The following GRIA3 variants were observed in gnomAD, a reference collection of about 807,000 sequenced individuals.
The protein encoded by GRIA3 is glutamate receptor 3.
In GRIA3, 3 loss-of-function variants were observed where a neutral mutation model predicts 63.0. That is an observed-to-expected ratio of 0.05 (90% CI 0.02 to 0.12). The LOEUF (loss-of-function observed/expected upper bound fraction) is 0.12, where lower values mean the gene tolerates loss of function less well. Ranked by LOEUF, GRIA3 falls within the 10% of genes least tolerant of loss-of-function variation. The probability of loss-of-function intolerance (pLI) is 1.00; values close to 1 mark genes in which losing one functional copy is unlikely to be tolerated. For synonymous variants in GRIA3, 274 were observed against 257.9 expected, an observed-to-expected ratio of 1.06 and a Z score of -0.60; for missense variants, 347 against 700.9, an observed-to-expected ratio of 0.50 and a Z score of 5.70.
intron 5 of GRIA3, among the ~76,000 whole-genome samples, chrX:123,359,186 T>C (rs1319014004): frequency 8.9e-6 from 1 of 112,239 alleles, no homozygotes; most frequent in African/African-American, 3.2e-5. Context: ...GTTTTGAATG[T>C]ATATTAAATA....
At chrX:123,297,039 T>G (rs755834710) in intron 3 of GRIA3, among the ~76,000 whole-genome samples, 3 of 111,496 alleles carry the variant, frequency 2.7e-5, no homozygotes, top group African/African-American at 9.7e-5. Context: ...ATACCAATTA[T>G]GGAGAAGACC....
intron 14 of GRIA3, among the ~76,000 whole-genome samples, chrX:123,481,286 C>G (rs2045911497): frequency 8.9e-6 from 1 of 112,087 alleles, no homozygotes; most frequent in South Asian, 3.7e-4. Context: ...AAGAGATAAT[C>G]CAATATTTCA....
intron 10 of GRIA3, among the ~76,000 whole-genome samples, chrX:123,416,362 T>C (rs2045536750): frequency 8.9e-6 from 1 of 111,999 alleles, no homozygotes; most frequent in Non-Finnish European, 1.9e-5. Flanking sequence ...AAAAAAATGA[T>C]CAAAACTTGT....
chrX:123,376,651 G>C (rs1374693820), intron 5 of GRIA3, among the ~76,000 whole-genome samples: 1 of 111,778 alleles, frequency 8.9e-6, no homozygotes, highest in Non-Finnish European at 1.9e-5. Flanking sequence ...AATGTTCTGA[G>C]TTTACTTTTC....
At chrX:123,322,269 AAT>A (rs1398962133) in intron 3 of GRIA3, among the ~76,000 whole-genome samples, 1 of 112,221 alleles carries the variant, frequency 8.9e-6, no homozygotes, top group Non-Finnish European at 1.9e-5. Flanking sequence ...TGCAGATGAC[AAT>A]CTAGCATTCA....
intron 5 of GRIA3, among the ~76,000 whole-genome samples, chrX:123,364,414 G>A (rs1461551081): frequency 8.9e-6 from 1 of 112,116 alleles, no homozygotes; most frequent in African/African-American, 3.2e-5. Flanking sequence ...CTACCTAGTA[G>A]AAGATACAGG....
intron 3 of GRIA3, among the ~76,000 whole-genome samples, chrX:123,280,227 C>T (rs1322158568): frequency 8.9e-6 from 1 of 112,072 alleles, no homozygotes; most frequent in Non-Finnish European, 1.9e-5. Flanking sequence ...CTGAGTTCAT[C>T]TTGAAAAGAC....
chrX:123,391,951 C>A (rs2045388973), intron 5 of GRIA3, among the ~76,000 whole-genome samples: 1 of 111,904 alleles, frequency 8.9e-6, no homozygotes, highest in Non-Finnish European at 1.9e-5. Flanking sequence ...CTCCAGGCCC[C>A]TGGACAGTTT....
intron 5 of GRIA3, among the ~76,000 whole-genome samples, chrX:123,381,305 C>T (rs1028727951): frequency 1.8e-5 from 2 of 111,516 alleles, no homozygotes; most frequent in African/African-American, 6.5e-5. Flanking sequence ...AGCCAGCCAG[C>T]TCCTCTACCT....
chrX:123,472,928 C>T (rs1369384700), intron 13 of GRIA3, among the ~76,000 whole-genome samples: 2 of 112,594 alleles, frequency 1.8e-5, no homozygotes, highest in Non-Finnish European at 3.8e-5. Flanking sequence ...ATTATTATCC[C>T]AATAGCAAGG....
At chrX:123,416,871 T>C (rs2045539178) in intron 10 of GRIA3, among the ~76,000 whole-genome samples, 1 of 112,523 alleles carries the variant, frequency 8.9e-6, no homozygotes, top group East Asian at 2.8e-4. Context: ...TTTTAAAAGA[T>C]ATGCTTTCAA....
At chrX:123,261,106 C>G (rs1405026589) in intron 3 of GRIA3, among the ~76,000 whole-genome samples, 1 of 111,792 alleles carries the variant, frequency 8.9e-6, no homozygotes. Context: ...TAAACACTTA[C>G]TCTCCACAAA....
At chrX:123,366,598 AG>A (rs775812060) in intron 5 of GRIA3, among the ~76,000 whole-genome samples, 1 of 112,059 alleles carries the variant, frequency 8.9e-6, no homozygotes, top group African/African-American at 3.2e-5. Flanking sequence ...CTACACGTAG[AG>A]TGTAACAGCA....
At chrX:123,374,869 G>A (rs886380181) in intron 5 of GRIA3, among the ~76,000 whole-genome samples, 1 of 111,805 alleles carries the variant, frequency 8.9e-6, no homozygotes, top group African/African-American at 3.3e-5. Context: ...GATTGCCCTG[G>A]TCAGAACTTC....
chrX:123,284,128 C>A (rs6648998), intron 3 of GRIA3, among the ~76,000 whole-genome samples: 40,373 of 111,209 alleles, frequency 0.36, 6,256 homozygotes, highest in African/African-American at 0.6. Context: ...GGACTTCCAG[C>A]AAACTCCAGC....
chrX:123,452,874 GAC>G (rs373258361), intron 12 of GRIA3, among the ~76,000 whole-genome samples: 11 of 111,516 alleles, frequency 9.9e-5, no homozygotes, highest in African/African-American at 3.6e-4. Context: ...GGGTGTGGCA[GAC>G]ACACTTTCTT....
At chrX:123,269,102 A>G in intron 3 of GRIA3, among the ~76,000 whole-genome samples, 1 of 112,112 alleles carries the variant, frequency 8.9e-6, no homozygotes, top group Admixed American at 9.5e-5. Context: ...TCACCCACCC[A>G]GGAGAATGCA....
At chrX:123,405,395 A>C (rs997751331) in intron 10 of GRIA3, among the ~76,000 whole-genome samples, 2 of 112,065 alleles carry the variant, frequency 1.8e-5, no homozygotes, top group Non-Finnish European at 3.8e-5. Flanking sequence ...CTTAACATCT[A>C]TCAGTCATTT....
At chrX:123,483,073 C>T in intron 15 of GRIA3, 27 bp downstream of exon 15, 1 of 1,124,390 alleles carries the variant, frequency 8.9e-7, no homozygotes, top group South Asian at 1.8e-5. Context: ...GTAAACTAAT[C>T]AGCTTTACTT....
Sources: allele counts gnomAD v4.1 joint callset (sites outside exome capture counted in the v4.1 genomes callset), GRCh38; gene constraint gnomAD v4.1.1; transcripts MANE v1.5; gene names NCBI Gene and HGNC (gene_info 2026-07-23, HGNC 2026-07-21).